HEPH: variants seen among roughly 807,000 people sequenced by gnomAD.
HEPH encodes the protein hephaestin.
A neutral mutation model predicts 80.8 loss-of-function variants in HEPH; 69 were observed. That is an observed-to-expected ratio of 0.85 (90% confidence interval 0.70 to 1.04). HEPH has a LOEUF of 1.04. Among genes scored for constraint, HEPH ranks in the 50% least tolerant of loss-of-function variants. The probability of loss-of-function intolerance (pLI) is 0.00; values close to 1 mark genes in which losing one functional copy is unlikely to be tolerated. For missense variants in HEPH, 1,115 were observed against 891.3 expected (o/e 1.25, Z -3.20); for synonymous variants, 431 against 322.8 (o/e 1.34, Z -3.60).
In HEPH at chrX:66,188,153, C is replaced by T. The variant is rs1160039012; in HGVS notation, c.626-206C>T. Among the ~76,000 whole-genome samples, 6 of 111,677 alleles carry T rather than the reference C, an allele frequency of 5.4e-5. No individual in the cohort carries two copies. The Admixed American group carries it at 5.7e-4, about 11-fold the overall frequency. On this transcript the variant is annotated intron_variant, in intron 4 of 20. Coordinates refer to ENST00000343002, the MANE Select transcript of HEPH (RefSeq NM_001367233.3). The stretch of plus-strand genomic sequence containing the variant: ...TTATTGTAGATCCTATGTGTCCTAA[C>T]ATCAAGTCCTAGGTTCAACTGAATT...
chrX:66,252,269 T>A (rs1373353141), intron 15 of HEPH, among the ~76,000 whole-genome samples: 1 of 111,827 alleles, frequency 8.9e-6, no homozygotes, highest in African/African-American at 3.2e-5. Context: ...TATTTATTTT[T>A]AATATGTTGA....
At chrX:66,163,708 T>C (rs977485684), upstream of HEPH, among the ~76,000 whole-genome samples, 3 of 111,587 alleles carry the variant, frequency 2.7e-5, no homozygotes, top group African/African-American at 9.8e-5. Flanking sequence ...ATCTCTCTTC[T>C]CTTTTACTTC....
chrX:66,268,401 G>A (rs1194547333), downstream of HEPH: 1 of 112,034 alleles, frequency 8.9e-6, no homozygotes, highest in African/African-American at 3.2e-5. Flanking sequence ...ATGGGTTTCT[G>A]GAGAGCTTTA....
chrX:66,192,593 G>T (rs776058488), intron 7 of HEPH, among the ~76,000 whole-genome samples: 1 of 111,825 alleles, frequency 8.9e-6, no homozygotes, highest in East Asian at 2.8e-4. Context: ...GGAAAGCCCA[G>T]GTGGGACCAG....
chrX:66,180,625 T>TC (rs2147601842), intron 4 of HEPH, among the ~76,000 whole-genome samples: 1 of 98,313 alleles, frequency 1.0e-5, no homozygotes, highest in African/African-American at 4.2e-5. Flanking sequence ...TCCCAGGTGT[T>TC]CTTTTTTTTT....
At chrX:66,226,456 A>G in intron 15 of HEPH, among the ~76,000 whole-genome samples, 1 of 112,312 alleles carries the variant, frequency 8.9e-6, no homozygotes, top group Non-Finnish European at 1.9e-5. Flanking sequence ...ATCAGAGCAG[A>G]ACTAAATACA....
rs368018000 is a variant in HEPH, at chrX:66,242,005, G to GA, written c.2564-13022dup. ...ACTAAGGACATTCTTCACAGAATTAGAAAAAAAACTATTTTAAAATATATA... is the reference window on the plus strand; with the variant it reads ...ACTAAGGACATTCTTCACAGAATTAGAAAAAAAAACTATTTTAAAATATATA... On this transcript the variant is annotated intron_variant, in intron 15 of 20. Transcript: ENST00000343002. Among the ~76,000 whole-genome samples, 317 of 103,145 alleles carry GA rather than the reference G, an allele frequency of 3.1e-3. 2 individuals carry two copies. The highest frequency in any genetic ancestry group is 3.8e-3 in the Non-Finnish European group (193 of 50,154). The allele number at this position is 103,145 out of a possible 115,157, so 89.6% of individuals were successfully genotyped here.
rs756487056 is a variant in HEPH, at chrX:66,198,884, G to T, written c.1720G>T (p.Val574Leu). ...ALGADGKQKG[V>L]DKEFFLLFTV... ...TCTTCTATTGGGCCTGCAGAAAGGG[G>T]TGGATAAAGAATTCTTTCTTCTCTT... Residue 574 changes from valine to leucine, a missense_variant, in exon 11 of 21, where the codon GTG becomes TTG. Val to Leu is a conservative substitution (Grantham distance 32). This residue lies in a region of HEPH where 716 missense variants were observed against 523.5 expected (regional missense o/e 1.37). Coordinates refer to ENST00000343002, the MANE Select transcript of HEPH (RefSeq NM_001367233.3). The T allele has an allele frequency of 2.5e-6, 3 of 1,193,736 alleles. No individual in the cohort carries two copies. The highest frequency in any genetic ancestry group is 1.8e-5 in the South Asian group (1 of 56,158).
intron 14 of HEPH, among the ~76,000 whole-genome samples, chrX:66,207,771 A>G (rs150294767): frequency 1.8e-5 from 2 of 111,679 alleles, no homozygotes; most frequent in Admixed American, 1.9e-4. Flanking sequence ...TCAATTCTTT[A>G]TTGTCTGCCA....
At chrX:66,192,383 C>A in intron 7 of HEPH, 85 bp downstream of exon 7, 1 of 967,235 alleles carries the variant, frequency 1.0e-6, no homozygotes, top group Non-Finnish European at 1.4e-6. Context: ...AAATCTCTCA[C>A]TTTACTCAGG....
At chrX:66,228,814 A>C (rs779830057) in intron 15 of HEPH, among the ~76,000 whole-genome samples, 24 of 112,481 alleles carry the variant, frequency 2.1e-4, no homozygotes, top group African/African-American at 7.7e-4. Context: ...TTCAAATCAA[A>C]ACCACAGTGT....
At chrX:66,165,164 A>G (rs1488389787) in intron 1 of HEPH, among the ~76,000 whole-genome samples, 1 of 111,895 alleles carries the variant, frequency 8.9e-6, no homozygotes, top group African/African-American at 3.2e-5. Context: ...TCCTTTTGCT[A>G]GGGACTCAAA....
rs2086981955 is a variant in HEPH at position 66,179,404 on chromosome X, G to C, written c.625+5603G>C. Among the ~76,000 whole-genome samples the C allele has an allele frequency of 1.8e-5, 2 of 111,521 alleles. 1 individual carries two copies. Among genetic ancestry groups the C allele is most frequent in the Admixed American group, 1.9e-4 (2 of 10,459 alleles). ...TCATGCCTCCAGCTTTGTTCTTTTT[G>C]CTTAGGATTGACTTGGCAATGCGGG... is the stretch of plus-strand genomic sequence containing the variant. On this transcript the variant is annotated intron_variant, in intron 4 of 20. Transcript: ENST00000343002.
At chrX:66,262,221 G>T (rs1377149912) in intron 19 of HEPH, among the ~76,000 whole-genome samples, 3 of 112,316 alleles carry the variant, frequency 2.7e-5, no homozygotes, top group African/African-American at 9.7e-5. Flanking sequence ...TTGGAACAAG[G>T]TTTCTGATAA....
chrX:66,210,681 A>G (rs2089063935), intron 15 of HEPH, among the ~76,000 whole-genome samples: 1 of 111,715 alleles, frequency 9.0e-6, no homozygotes, highest in South Asian at 3.7e-4. Flanking sequence ...AGTGATGATA[A>G]TGGCTTAAAC....
At chrX:66,236,815 C>T (rs2090378779) in intron 15 of HEPH, among the ~76,000 whole-genome samples, 1 of 110,845 alleles carries the variant, frequency 9.0e-6, no homozygotes, top group South Asian at 3.9e-4. Context: ...TTGGCCTGTT[C>T]AGAAATTTAA....
chrX:66,242,259 G>A (rs1427402383), intron 15 of HEPH, among the ~76,000 whole-genome samples: 1 of 111,016 alleles, frequency 9.0e-6, no homozygotes. Flanking sequence ...ACAAAAGCAA[G>A]GAATGGGAAA....
intron 15 of HEPH, among the ~76,000 whole-genome samples, chrX:66,217,209 C>T (rs189071058): frequency 7.4e-4 from 82 of 111,105 alleles, no homozygotes; most frequent in African/African-American, 2.3e-3. Flanking sequence ...TCAAACAGAT[C>T]GTTGCCTAGG....
intron 15 of HEPH, among the ~76,000 whole-genome samples, chrX:66,225,516 G>C (rs1208081920): frequency 8.9e-6 from 1 of 112,608 alleles, no homozygotes; most frequent in Non-Finnish European, 1.9e-5. Flanking sequence ...CACACCATGG[G>C]TGATCAGGCC....
Sources: gnomAD v4.1 joint callset for allele counts (sites outside exome capture counted in the v4.1 genomes callset) on GRCh38, gnomAD v4.1.1 for gene constraint, gnomAD v4.1.1 regional missense constraint, MANE v1.5 for transcripts, NCBI Gene and HGNC (gene_info 2026-07-23, HGNC 2026-07-21) for gene names.